The following ADAM12 variants were observed in gnomAD, a reference collection of about 807,000 sequenced individuals.
The protein encoded by ADAM12 is disintegrin and metalloproteinase domain-containing protein 12.
A neutral mutation model predicts 106.4 loss-of-function variants in ADAM12; 70 were observed. The ratio of observed to expected loss-of-function variants is 0.66; its 90% CI spans 0.54 to 0.80. The LOEUF (loss-of-function observed/expected upper bound fraction) is 0.80. Ranked by LOEUF, ADAM12 falls within the 30% of genes least tolerant of loss-of-function variation. The probability of loss-of-function intolerance (pLI) is 0.00; values close to 1 mark genes in which losing one functional copy is unlikely to be tolerated. For missense variants in ADAM12, 1,010 were observed against 1,171.9 expected (o/e 0.86, Z 2.02); for synonymous variants, 420 against 433.5 (o/e 0.97, Z 0.39).
rs377680010 is a variant in ADAM12, at chr10:126,101,083, C to T, written c.900G>A (p.Ala300=). 3.2e-5 allele frequency: 51 copies of T among 1,613,632 alleles called. No individual in the cohort carries two copies. The highest frequency in any genetic ancestry group is 1.6e-4 in the Middle Eastern group (1 of 6,066). Residue 300 remains alanine (A), a synonymous_variant, in exon 9 of 23, where the codon GCG becomes GCA. Transcript: ENST00000448723. ...KLLPRKSHDN[A]QLVSGVYFQG... ...ACGTAACTCCCTACCTGACAAGCTGCGCATTGTCATGGGATTTGCGAGGTA... is the reference window on the plus strand; with the variant it reads ...ACGTAACTCCCTACCTGACAAGCTGTGCATTGTCATGGGATTTGCGAGGTA...
In ADAM12 at chr10:126,121,102, T is replaced by G. The variant is rs370577025; in HGVS notation, c.417-2878A>C. Reference sequence around the variant, plus strand: ...TATATTAGATGTATAATATACTATATTATATATAGTATATATATAGTATAT... The same window carrying G: ...TATATTAGATGTATAATATACTATAGTATATATAGTATATATATAGTATAT... On this transcript the variant is annotated intron_variant, in intron 5 of 22. Coordinates refer to ENST00000448723, the MANE Select transcript of ADAM12 (RefSeq NM_001288973.2). 1.6e-3 allele frequency among the ~76,000 whole-genome samples: 65 copies of G among 40,324 alleles called. No individual in the cohort carries two copies. The South Asian group carries it at 0.037, about 23-fold the overall frequency. 26.5% of individuals were successfully genotyped at this position (40,324 alleles called of 152,430 possible). A position where few individuals can be genotyped will look rare whatever the true frequency, so the allele number is the denominator to read the frequency against.
intron 5 of ADAM12, among the ~76,000 whole-genome samples, chr10:126,134,312 A>C (rs1404617156): frequency 1.3e-5 from 2 of 152,248 alleles, no homozygotes; most frequent in Non-Finnish European, 2.9e-5. Flanking sequence ...TTGGAGAGAC[A>C]GACAGGGTTG....
intron 2 of ADAM12, among the ~76,000 whole-genome samples, chr10:126,289,782 C>T (rs1230594654): frequency 1.3e-5 from 2 of 152,184 alleles, no homozygotes; most frequent in African/African-American, 4.8e-5. Flanking sequence ...TACGGTCAGA[C>T]GGCAGCTGTG....
chr10:126,042,490 T>C (rs1320717528), intron 18 of ADAM12, among the ~76,000 whole-genome samples: 1 of 152,128 alleles, frequency 6.6e-6, no homozygotes, highest in Admixed American at 6.5e-5. Flanking sequence ...GAGAAAAGAA[T>C]CATACCACCT....
chr10:126,034,416 A>C (rs949171124), intron 21 of ADAM12, among the ~76,000 whole-genome samples: 1 of 152,008 alleles, frequency 6.6e-6, no homozygotes, highest in African/African-American at 2.4e-5. Context: ...GTAATCATAC[A>C]AAAAAAATAC....
chr10:126,127,083 G>A (rs912418364), intron 5 of ADAM12, among the ~76,000 whole-genome samples: 2 of 152,150 alleles, frequency 1.3e-5, no homozygotes, highest in African/African-American at 2.4e-5. Flanking sequence ...TTGCTGACTC[G>A]TGCACATGTC....
At chr10:126,127,237 G>A (rs2061433835) in intron 5 of ADAM12, among the ~76,000 whole-genome samples, 1 of 152,306 alleles carries the variant, frequency 6.6e-6, no homozygotes, top group African/African-American at 2.4e-5. Context: ...CCTGGCCAGA[G>A]GTTGGAGGAG....
At chr10:126,355,865 A>G (rs948685291) in intron 1 of ADAM12, among the ~76,000 whole-genome samples, 2 of 152,220 alleles carry the variant, frequency 1.3e-5, no homozygotes, top group Non-Finnish European at 2.9e-5. Flanking sequence ...GGTACCAGCA[A>G]ACAGCATAGC....
At chr10:126,312,329 C>G (rs1162058618) in intron 2 of ADAM12, among the ~76,000 whole-genome samples, 1 of 152,168 alleles carries the variant, frequency 6.6e-6, no homozygotes, top group Non-Finnish European at 1.5e-5. Flanking sequence ...AGCACACCTG[C>G]TCCTTCCCTC....
intron 21 of ADAM12, among the ~76,000 whole-genome samples, chr10:126,034,899 G>C (rs1954031414): frequency 6.6e-6 from 1 of 152,082 alleles, no homozygotes; most frequent in Non-Finnish European, 1.5e-5. Flanking sequence ...GATTACCAGA[G>C]CTAAACAGAG....
intron 3 of ADAM12, among the ~76,000 whole-genome samples, chr10:126,190,417 G>T (rs1351409175): frequency 6.6e-6 from 1 of 151,950 alleles, no homozygotes; most frequent in Non-Finnish European, 1.5e-5. Flanking sequence ...TGTTGGCCAG[G>T]CTGGTCTCAA....
intron 3 of ADAM12, among the ~76,000 whole-genome samples, chr10:126,210,804 G>A (rs182044340): frequency 6.6e-6 from 1 of 152,284 alleles, no homozygotes; most frequent in East Asian, 1.9e-4. Flanking sequence ...TGGACATTAA[G>A]GGAGGCTGAT....
intron 11 of ADAM12, among the ~76,000 whole-genome samples, chr10:126,089,413 C>T (rs984195237): frequency 3.3e-5 from 5 of 152,192 alleles, no homozygotes; most frequent in African/African-American, 9.7e-5. Flanking sequence ...CTATGAATTA[C>T]ACCAGAACTA....
In ADAM12 at chr10:126,053,135, C is replaced by G. The variant is rs1378544697; in HGVS notation, c.1610-3466G>C. On this transcript the variant is annotated intron_variant, in intron 14 of 22. Transcript: ENST00000448723. This position sits in a 1 kb window ranked among gnomAD's most constrained non-coding sequence, Gnocchi z 4.6. ...TTCCTTCTCTCTCTTGCTCCTGCTC[C>G]GGCCGCGTGATGTGCCTGCTTCTCC... 1.3e-5 allele frequency among the ~76,000 whole-genome samples: 2 copies of G among 152,104 alleles called. No homozygotes were observed. Among genetic ancestry groups the G allele is most frequent in the African/African-American group, 4.8e-5 (2 of 41,406 alleles).
At chr10:126,096,980 A>G (rs1007578798) in intron 10 of ADAM12, among the ~76,000 whole-genome samples, 1 of 152,160 alleles carries the variant, frequency 6.6e-6, no homozygotes, top group Non-Finnish European at 1.5e-5. Context: ...AAATGCTTGT[A>G]TGGAAATGGA....
In ADAM12 at chr10:126,213,775, T is replaced by C. The variant is rs118170580; in HGVS notation, c.261-58470A>G. 3.7e-3 allele frequency among the ~76,000 whole-genome samples: 569 copies of C among 152,358 alleles called. 7 individuals are homozygous for C. Among genetic ancestry groups the C allele is most frequent in the East Asian group, 0.036 (188 of 5,186 alleles). ...AGACTGAAGCACCAAGCAGGTGTTT[T>C]AACAATGTCCTTGAAAATTTCCCTG... On this transcript the variant is annotated intron_variant, in intron 3 of 22. Transcript: ENST00000448723.
chr10:126,236,961 G>GA (rs937289628), intron 3 of ADAM12, among the ~76,000 whole-genome samples: 131 of 152,280 alleles, frequency 8.6e-4, no homozygotes, highest in African/African-American at 3.1e-3. Context: ...ATACAGAGCT[G>GA]ACCAGAAGCC....
rs572057446 is a variant in ADAM12, at chr10:126,188,479, G to T, written c.261-33174C>A. On this transcript the variant is annotated intron_variant, in intron 3 of 22. Coordinates refer to ENST00000448723, the MANE Select transcript of ADAM12 (RefSeq NM_001288973.2). ...GGTCCATCTGTTTTTTTCCTTCAGG[G>T]TTACTTTAAACCTATTATGCCTCAT... 2.6e-5 allele frequency among the ~76,000 whole-genome samples: 4 copies of T among 152,190 alleles called. No homozygotes were observed. In the South Asian group the frequency reaches 6.2e-4, roughly 24 times the overall value.
chr10:126,245,694 GA>G (rs71029295), intron 3 of ADAM12, among the ~76,000 whole-genome samples: 1 of 152,192 alleles, frequency 6.6e-6, no homozygotes, highest in Non-Finnish European at 1.5e-5. Context: ...GGAGCACCAG[GA>G]AAAAGTTATC....
Sources: gnomAD v4.1 joint callset for allele counts (sites outside exome capture counted in the v4.1 genomes callset) on GRCh38, gnomAD v4.1.1 for gene constraint, Gnocchi (gnomAD v3.1) non-coding constraint, MANE v1.5 for transcripts, NCBI Gene and HGNC (gene_info 2026-07-23, HGNC 2026-07-21) for gene names.